Variants in SPON2 observed in about 807,000 individuals in gnomAD.
The protein encoded by SPON2 is spondin 2.
In SPON2, 32 loss-of-function variants were observed where a neutral mutation model predicts 29.9. That is an observed-to-expected ratio of 1.07 (90% CI 0.81 to 1.44). SPON2 has a LOEUF of 1.44. Among genes scored for constraint, SPON2 ranks in the 40% most tolerant of loss-of-function variants. The pLI is 0.00. For synonymous variants in SPON2, 248 were observed against 209.1 expected (o/e 1.19, Z -1.61); for missense variants, 541 against 455.5 (o/e 1.19, Z -1.71).
upstream of SPON2, among the ~76,000 whole-genome samples, chr4:1,173,542 ATATT>A (rs2153077478): frequency 6.6e-6 from 1 of 152,318 alleles, no homozygotes; most frequent in African/African-American, 2.4e-5. Flanking sequence ...TGTCAGGAAA[ATATT>A]TATAGGTCCC....
chr4:1,174,933 C>T (rs1048050080), upstream of SPON2, among the ~76,000 whole-genome samples: 5 of 152,192 alleles, frequency 3.3e-5, no homozygotes, highest in African/African-American at 4.8e-5. Flanking sequence ...CGAAAGCCGC[C>T]GTGTGCCCAT....
At position 1,167,421 on chromosome 4, in the gene SPON2, C is replaced by A; in HGVS notation, c.*51G>T. 6.4e-7 allele frequency: 1 copy of A among 1,565,418 alleles called. No individual in the cohort carries two copies. Among genetic ancestry groups the A allele is most frequent in the Non-Finnish European group, 8.7e-7 (1 of 1,151,662 alleles). On this transcript the variant is annotated 3_prime_UTR_variant, in exon 6 of 6. Coordinates refer to ENST00000290902, the MANE Select transcript of SPON2 (RefSeq NM_012445.4). ...CTGCAGCATGAGCCTGCACAGGAGC[C>A]CCCGACACCCCATGGCTCCGGGGGG...
At position 1,171,873 on chromosome 4, in the gene SPON2, C is replaced by T. The variant is rs897432543; in HGVS notation, c.199G>A (p.Ala67Thr). 1 of 1,612,688 alleles carries T rather than the reference C, an allele frequency of 6.2e-7. No homozygotes were observed. Among genetic ancestry groups the T allele is most frequent in the African/African-American group, 1.3e-5 (1 of 74,922 alleles). Reference sequence around the variant, plus strand: ...TTACCCAGCAGCGAAGACCACTGCGCAGGGGGGCGGAACAGGGGGTACTGC... The same window carrying T: ...TTACCCAGCAGCGAAGACCACTGCGTAGGGGGGCGGAACAGGGGGTACTGC... The part of the protein sequence containing the change: ...PKQYPLFRPP[A>T]QWSSLLGAAH... The change falls in exon 2 of 6, where the codon GCG becomes ACG. Residue 67 changes from alanine (A) to threonine (T), a missense_variant. By Grantham distance (58) the Ala-to-Thr change is moderately conservative. Coordinates refer to ENST00000290902, the MANE Select transcript of SPON2 (RefSeq NM_012445.4).
In SPON2 at chr4:1,171,026, G is replaced by T. The variant is rs1376910563; in HGVS notation, c.609C>A (p.Ala203=). 6.5e-7 allele frequency: 1 copy of T among 1,548,966 alleles called. No homozygotes were observed. Among genetic ancestry groups the T allele is most frequent in the Non-Finnish European group, 8.7e-7 (1 of 1,145,808 alleles). The change falls in exon 4 of 6, where the codon GCC becomes GCA. Residue 203 remains alanine (A), a synonymous_variant. Transcript: ENST00000290902. ...SGFTFSSPNF[A]TIPQDTVTEI... is the part of the protein sequence containing the mutation. The stretch of plus-strand genomic sequence containing the variant: ...CGGTCACCGTGTCCTGCGGGATGGT[G>T]GCGAAGTTGGGGGAGGAGAAGGTGA...
intron 1 of SPON2, among the ~76,000 whole-genome samples, chr4:1,192,983 G>A (rs567937656): frequency 6.6e-6 from 1 of 152,312 alleles, no homozygotes; most frequent in South Asian, 2.1e-4. Flanking sequence ...GGCACAGGGT[G>A]GGGCATGGGA....
At chr4:1,184,725 G>A (rs1291190101) in intron 1 of SPON2, among the ~76,000 whole-genome samples, 1 of 151,948 alleles carries the variant, frequency 6.6e-6, no homozygotes, top group Non-Finnish European at 1.5e-5. Context: ...ACGAGGTCAG[G>A]AGTTCATGAC....
At chr4:1,187,697 A>G (rs541107651) in intron 1 of SPON2, among the ~76,000 whole-genome samples, 5 of 152,310 alleles carry the variant, frequency 3.3e-5, no homozygotes, top group South Asian at 2.1e-4. Flanking sequence ...CTTTGCGCAT[A>G]TATAGCTCTG....
At chr4:1,179,936 C>A (rs1352729473) in intron 1 of SPON2, among the ~76,000 whole-genome samples, 1 of 151,796 alleles carries the variant, frequency 6.6e-6, no homozygotes, top group Non-Finnish European at 1.5e-5. Context: ...TTTGCAGTTG[C>A]CCAAGGTGGT....
At chr4:1,182,221 T>C (rs1727712529) in intron 1 of SPON2, among the ~76,000 whole-genome samples, 1 of 152,002 alleles carries the variant, frequency 6.6e-6, no homozygotes. Flanking sequence ...ATGGCCCATT[T>C]AAAGAAAAAA....
chr4:1,177,022 C>A (rs1727617813), upstream of SPON2, among the ~76,000 whole-genome samples: 2 of 152,236 alleles, frequency 1.3e-5, no homozygotes, highest in African/African-American at 4.8e-5. Context: ...AGATTGGATT[C>A]TCTTATTCAG....
chr4:1,200,716 C>T (rs1284275384), intron 1 of SPON2: 15 of 430,698 alleles, frequency 3.5e-5, no homozygotes, highest in Middle Eastern at 3.4e-4. Context: ...GCGTGGACAT[C>T]GCTGGACGGG....
chr4:1,176,907 T>G (rs1936492225), upstream of SPON2, among the ~76,000 whole-genome samples: 1 of 152,232 alleles, frequency 6.6e-6, no homozygotes, highest in African/African-American at 2.4e-5. Context: ...CATTCATTCA[T>G]TAACCACAAG....
chr4:1,191,733 C>T (rs1037443504), intron 1 of SPON2, among the ~76,000 whole-genome samples: 1 of 152,206 alleles, frequency 6.6e-6, no homozygotes, highest in African/African-American at 2.4e-5. Flanking sequence ...GAGGCCTCCT[C>T]GGGCTGTGTA....
At chr4:1,178,049 C>T (rs544395441), upstream of SPON2, among the ~76,000 whole-genome samples, 629 of 149,532 alleles carry the variant, frequency 4.2e-3, 2 homozygotes, top group African/African-American at 0.015. Context: ...GCACCACGGG[C>T]TCTGCACACA....
intron 1 of SPON2, among the ~76,000 whole-genome samples, chr4:1,201,743 C>T (rs987312637): frequency 9.2e-5 from 14 of 152,072 alleles, no homozygotes; most frequent in African/African-American, 7.2e-5. Context: ...TTGCCACGCC[C>T]GGCTAATTTT....
At chr4:1,188,459 G>A (rs1028651100) in intron 1 of SPON2, among the ~76,000 whole-genome samples, 2 of 152,102 alleles carry the variant, frequency 1.3e-5, no homozygotes, top group African/African-American at 2.4e-5. Context: ...ATGATTCAAC[G>A]CACATTCAAA....
intron 1 of SPON2, chr4:1,201,218 G>C: frequency 2.3e-6 from 1 of 430,326 alleles, no homozygotes; most frequent in South Asian, 1.6e-5. Flanking sequence ...CAGTGACAAA[G>C]AGGGGGTGGG....
At chr4:1,200,881 G>A (rs1417505099) in intron 1 of SPON2, 4 of 456,564 alleles carry the variant, frequency 8.8e-6, no homozygotes, top group Non-Finnish European at 1.8e-5. Flanking sequence ...GCCTGACCCT[G>A]ACCACTGACT....
At position 1,178,290 on chromosome 4, in the gene SPON2, C is replaced by T. The variant is rs559040361; in HGVS notation, c.-145+1158G>A. 3.3e-5 allele frequency among the ~76,000 whole-genome samples: 5 copies of T among 152,304 alleles called. No individual in the cohort carries two copies. In the East Asian group the frequency reaches 5.8e-4, roughly 18 times the overall value. ...TCTGCACACACCAAGGGCTTTGCTC[C>T]GGCCAGGCACCATGGGCTCTGCACA... On this transcript the variant is annotated intron_variant, in intron 2 of 3. Coordinates refer to the SPON2 transcript ENST00000502483.
Sources: allele counts gnomAD v4.1 joint callset (sites outside exome capture counted in the v4.1 genomes callset), GRCh38; gene constraint gnomAD v4.1.1; transcripts MANE v1.5; gene names NCBI Gene and HGNC (gene_info 2026-07-23, HGNC 2026-07-21).